UTP6: variants seen among roughly 807,000 people sequenced by gnomAD.
UTP6 encodes UTP6 small subunit processome component.
A neutral mutation model predicts 96.5 loss-of-function variants in UTP6; 60 were observed. The ratio of observed to expected loss-of-function variants is 0.62; its 90% CI spans 0.51 to 0.77. The LOEUF (loss-of-function observed/expected upper bound fraction) is 0.77. Ranked by LOEUF, UTP6 falls within the 30% of genes least tolerant of loss-of-function variation. The pLI is 0.00. For synonymous variants in UTP6, 215 were observed against 240.1 expected (o/e 0.90, Z 0.96); for missense variants, 637 against 706.5 (o/e 0.90, Z 1.12).
At chr17:31,892,361 TA>T in intron 5 of UTP6, 38 bp from the exon 6 acceptor site, 1 of 1,579,470 alleles carries the variant, frequency 6.3e-7, no homozygotes, top group Non-Finnish European at 8.7e-7. Context: ...CCTGCACAGA[TA>T]AATCATTGAT....
intron 1 of UTP6, 188 bp downstream of exon 1, chr17:31,901,348 T>A (rs1356700927): frequency 1.7e-6 from 1 of 589,108 alleles, no homozygotes; most frequent in Non-Finnish European, 3.0e-6. Flanking sequence ...GATGGGTAAG[T>A]AGACGGACGG....
chr17:31,895,025 A>C lies in UTP6; in HGVS notation c.178-14T>G. 1 of 1,514,454 alleles carries C rather than the reference A, an allele frequency of 6.6e-7. No homozygotes were observed. The highest frequency in any genetic ancestry group is 8.9e-7 in the Non-Finnish European group (1 of 1,122,824). 93.8% of individuals were successfully genotyped at this position (1,514,454 alleles called of 1,614,324 possible). ...ATTAATTTCATACTATGAAAGAAAA[A>C]CATACAAAAAAATGAGAAGCTAGAA... On this transcript the variant is annotated splice_polypyrimidine_tract_variant and intron_variant, in intron 2 of 18. Coordinates refer to ENST00000261708, the MANE Select transcript of UTP6 (RefSeq NM_018428.3).
chr17:31,877,023 TAAAAATCAATAAAC>T (rs936457613), intron 13 of UTP6, among the ~76,000 whole-genome samples: 5 of 152,170 alleles, frequency 3.3e-5, no homozygotes, highest in Admixed American at 2.0e-4. Context: ...AAAAAAATTT[TAAAAATCAATAAAC>T]AAAAATCAAT....
chr17:31,886,154 T>C lies in UTP6; in HGVS notation c.622-93A>G. 1.4e-5 allele frequency: 14 copies of C among 988,310 alleles called. 1 individual carries two copies. The highest frequency in any genetic ancestry group is 2.9e-5 in the South Asian group (2 of 69,758). The allele number at this position is 988,310 out of a possible 1,614,324, so 61.2% of individuals were successfully genotyped here. A position where few individuals can be genotyped will look rare whatever the true frequency, so the allele number is the denominator to read the frequency against. ...TAACAATCCTAGACTACCTGTGCCA[T>C]ATGACCACTGGTAAATCATGTCTCT... On this transcript the variant is annotated intron_variant, in intron 8 of 18. Coordinates refer to ENST00000261708, the MANE Select transcript of UTP6 (RefSeq NM_018428.3).
intron 16 of UTP6, among the ~76,000 whole-genome samples, chr17:31,871,518 C>A (rs1910170583): frequency 6.6e-6 from 1 of 152,004 alleles, no homozygotes; most frequent in African/African-American, 2.4e-5. Flanking sequence ...GAGGCCAAGG[C>A]AGGAAGATCA....
Position 31,894,861 on chromosome 17 carries a change from A to T in UTP6, c.219+109T>A. The T allele has an allele frequency of 4.7e-6, 6 of 1,268,716 alleles. No individual in the cohort carries two copies. In the South Asian group the frequency reaches 7.6e-5, roughly 16 times the overall value. The allele number at this position is 1,268,716 out of a possible 1,614,324, so 78.6% of individuals were successfully genotyped here. ...ATAATTACAAATATCCATTATAGGCATATCACCACAGTTTTATCAACACTG... is the reference window on the plus strand; with the variant it reads ...ATAATTACAAATATCCATTATAGGCTTATCACCACAGTTTTATCAACACTG... On this transcript the variant is annotated intron_variant, in intron 3 of 18. Transcript: ENST00000261708.
intron 16 of UTP6, among the ~76,000 whole-genome samples, chr17:31,869,726 T>C (rs1910044301): frequency 6.6e-6 from 1 of 152,202 alleles, no homozygotes; most frequent in African/African-American, 2.4e-5. Context: ...GTTATGTGTG[T>C]ATATTGCGTG....
chr17:31,896,185 T>C (rs1363025915), intron 2 of UTP6, among the ~76,000 whole-genome samples: 6 of 151,300 alleles, frequency 4.0e-5, no homozygotes, highest in Admixed American at 3.3e-4. Flanking sequence ...TCAAGCAGTT[T>C]TCCTGCCTCA....
chr17:31,898,173 C>T (rs998366003), intron 2 of UTP6, among the ~76,000 whole-genome samples: 21 of 152,188 alleles, frequency 1.4e-4, no homozygotes, highest in African/African-American at 5.1e-4. Context: ...AGTAATGCTA[C>T]TCCCAATGCT....
intron 1 of UTP6, among the ~76,000 whole-genome samples, chr17:31,900,291 T>C (rs1353485847): frequency 1.3e-5 from 2 of 152,284 alleles, no homozygotes; most frequent in East Asian, 1.9e-4. Flanking sequence ...ATACCATTTA[T>C]GTATGGTGTT....
intron 6 of UTP6, among the ~76,000 whole-genome samples, chr17:31,891,800 A>C (rs1237855069): frequency 2.6e-5 from 4 of 152,194 alleles, no homozygotes; most frequent in African/African-American, 9.7e-5. Flanking sequence ...AGGCGGGTGG[A>C]TCACGAGGTC....
In UTP6 at chr17:31,894,658, G is replaced by C; in HGVS notation, c.299C>G (p.Ser100Ter). The change falls in exon 4 of 19, where the codon TCA (serine) becomes TGA (stop). Residue 100 changes from serine to a stop codon, truncating the protein, a stop_gained. Transcript: ENST00000261708. LOFTEE classifies it high-confidence loss of function. Reference sequence around the variant, plus strand: ...TTGATCACTCACTTTCCATTTTGCTGAGGCACGCTGGAAAACACCTTGTAC... The same window carrying C: ...TTGATCACTCACTTTCCATTTTGCTCAGGCACGCTGGAAAACACCTTGTAC... The part of the protein sequence containing the change: ...HRVQGVFQRA[S>*]AKWKDDVQLW... 1 of 1,608,634 alleles carries C rather than the reference G, an allele frequency of 6.2e-7. No individual in the cohort carries two copies. Among genetic ancestry groups the C allele is most frequent in the Non-Finnish European group, 8.5e-7 (1 of 1,177,008 alleles).
intron 13 of UTP6, 135 bp from the exon 14 acceptor site, chr17:31,875,548 G>A (rs1343210400): frequency 4.7e-6 from 5 of 1,062,474 alleles, no homozygotes; most frequent in African/African-American, 1.6e-5. Flanking sequence ...AAAGAGGCCA[G>A]GTGTGGTGGC....
Position 31,892,312 on chromosome 17 carries a change from A to C in UTP6, c.372T>G (p.Thr124=). 1 of 1,614,098 alleles carries C rather than the reference A, an allele frequency of 6.2e-7. No individual in the cohort carries two copies. The highest frequency in any genetic ancestry group is 8.5e-7 in the Non-Finnish European group (1 of 1,180,016). The change falls in exon 6 of 19, where the codon ACT becomes ACG. Residue 124 remains threonine, a synonymous_variant. Transcript: ENST00000261708. ...TGGCAGAGAATACCTTGCTAAGTCG[A>C]GTTTTAGTAGCCTGTAAAAAAGGAA... ...VAFCKKWATK[T]RLSKVFSAML...
chr17:31,876,256 T>TA (rs1598101736), intron 13 of UTP6, among the ~76,000 whole-genome samples: 1 of 151,592 alleles, frequency 6.6e-6, no homozygotes, highest in African/African-American at 2.4e-5. Context: ...AGGCTGGTCT[T>TA]AAACTCCTGA....
At chr17:31,865,996 TAACTTTACAACCAAA>T (rs1427861003) in intron 17 of UTP6, among the ~76,000 whole-genome samples, 1 of 152,180 alleles carries the variant, frequency 6.6e-6, no homozygotes, top group Non-Finnish European at 1.5e-5. Context: ...TAGCTGTAAC[TAACTTTACAACCAAA>T]AACTGCTCAT....
intron 11 of UTP6, 26 bp from the exon 12 acceptor site, chr17:31,878,807 G>A: frequency 6.2e-7 from 1 of 1,603,970 alleles, no homozygotes; most frequent in Non-Finnish European, 8.5e-7. Context: ...AGATTGTGTT[G>A]ATCAGATCAC....
chr17:31,885,966 C>T lies in UTP6; in HGVS notation c.703+14G>A. 6 of 1,604,264 alleles carry T rather than the reference C, an allele frequency of 3.7e-6. No individual in the cohort carries two copies. The highest frequency in any genetic ancestry group is 5.1e-6 in the Non-Finnish European group (6 of 1,175,974). On this transcript the variant is annotated intron_variant, in intron 9 of 18. Coordinates refer to ENST00000261708, the MANE Select transcript of UTP6 (RefSeq NM_018428.3). ...TCACTTTCCTACCAAAAATAATGTT[C>T]AAAAGATACCTACCTTTAATTATGC...
At chr17:31,880,404 GA>G in intron 11 of UTP6, 168 bp downstream of exon 11, 2 of 759,918 alleles carry the variant, frequency 2.6e-6, no homozygotes, top group Middle Eastern at 4.0e-4. Context: ...CAGGGTGACA[GA>G]ACAAGACTCT....
Sources: allele counts gnomAD v4.1 joint callset (sites outside exome capture counted in the v4.1 genomes callset), GRCh38; gene constraint gnomAD v4.1.1; transcripts MANE v1.5; gene names NCBI Gene and HGNC (gene_info 2026-07-23, HGNC 2026-07-21).